The following KCNQ2 variants were observed in gnomAD, a reference collection of about 807,000 sequenced individuals.
The protein encoded by KCNQ2 is potassium voltage-gated channel subfamily KQT member 2.
Under a neutral mutation model 84.8 loss-of-function variants are expected in KCNQ2, and 14 were observed. That is an observed-to-expected ratio of 0.17 (90% CI 0.11 to 0.26). KCNQ2 has a LOEUF of 0.26. KCNQ2 is among the 10% of genes least tolerant of loss of function. The pLI, the probability that KCNQ2 is intolerant of heterozygous loss-of-function variation, is 1.00. For missense variants in KCNQ2, 788 were observed against 1,254.0 expected, an observed-to-expected ratio of 0.63 and a Z score of 5.61; for synonymous variants, 599 against 554.1, an observed-to-expected ratio of 1.08 and a Z score of -1.14.
At chr20:63,463,958 G>C (rs2082019436) in intron 1 of KCNQ2, 1 of 152,028 alleles carries the variant, frequency 6.6e-6, no homozygotes, top group Non-Finnish European at 1.5e-5. Flanking sequence ...ATGATTCAGG[G>C]ATGGGAGACT....
intron 1 of KCNQ2, among the ~76,000 whole-genome samples, chr20:63,468,996 G>A (rs1237671886): frequency 6.6e-6 from 1 of 152,248 alleles, no homozygotes; most frequent in South Asian, 2.1e-4. Flanking sequence ...ACTGAGGTCC[G>A]CACCCAGCGG....
At chr20:63,461,034 G>A (rs1238520287) in intron 1 of KCNQ2, 1 of 152,232 alleles carries the variant, frequency 6.6e-6, no homozygotes, top group Non-Finnish European at 1.5e-5. Context: ...ACGCACAGGC[G>A]GGCGCAGACA....
At chr20:63,453,503 C>G (rs1047257289) in intron 1 of KCNQ2, among the ~76,000 whole-genome samples, 3 of 152,222 alleles carry the variant, frequency 2.0e-5, no homozygotes, top group African/African-American at 7.2e-5. Context: ...GTCTGCCTAA[C>G]GGGGTTTTCT....
rs1224243124 is a variant in KCNQ2 at position 63,425,518 on chromosome 20, G to A, written c.1218-1312C>T. Among the ~76,000 whole-genome samples, 4 of 152,026 alleles carry A rather than the reference G, an allele frequency of 2.6e-5. No individual in the cohort carries two copies. The highest frequency in any genetic ancestry group is 5.9e-5 in the Non-Finnish European group (4 of 68,006). ...GTGGATCACCTGAGGTCAGGAGTTC[G>A]AGACCAGCCTGACCAACATGGTGAA... is the stretch of plus-strand genomic sequence containing the variant. On this transcript the variant is annotated intron_variant, in intron 10 of 16. Coordinates refer to ENST00000359125, the MANE Select transcript of KCNQ2 (RefSeq NM_172107.4). This position sits in a 1 kb window ranked among gnomAD's most constrained non-coding sequence, Gnocchi z 5.5.
chr20:63,430,791 C>T (rs896834286), intron 9 of KCNQ2, among the ~76,000 whole-genome samples: 12 of 152,210 alleles, frequency 7.9e-5, no homozygotes, highest in African/African-American at 2.7e-4. Context: ...GGCAGGAGAC[C>T]CTGAGGCAGA....
Position 63,442,653 on chromosome 20 carries a change from CCA to C in KCNQ2, c.691-124_691-123del. ...ACCATCACCACCACCAAAACCATCA[CCA>C]CCACCATCACCACCACCACCACCAC... On this transcript the variant is annotated intron_variant, in intron 4 of 16. Transcript: ENST00000359125. 3.4e-5 allele frequency: 13 copies of C among 380,090 alleles called. 1 individual carries two copies. The highest frequency in any genetic ancestry group is 5.9e-5 in the East Asian group (1 of 16,984). The allele number at this position is 380,090 out of a possible 1,614,324, so 23.5% of individuals were successfully genotyped here.
intron 1 of KCNQ2, among the ~76,000 whole-genome samples, chr20:63,470,173 G>T (rs1293107980): frequency 1.3e-5 from 2 of 152,208 alleles, no homozygotes; most frequent in African/African-American, 2.4e-5. Context: ...CCCTCCCAAA[G>T]GGGCCGCCTC....
At chr20:63,443,085 CATT>C (rs1212035403) in intron 4 of KCNQ2, among the ~76,000 whole-genome samples, 58 of 40,994 alleles carry the variant, frequency 1.4e-3, no homozygotes, top group African/African-American at 1.4e-3. Flanking sequence ...CCACCACCAC[CATT>C]ATCACCACCA....
chr20:63,432,536 C>T (rs2080846549), intron 8 of KCNQ2, among the ~76,000 whole-genome samples: 3 of 145,374 alleles, frequency 2.1e-5, no homozygotes, highest in Admixed American at 6.8e-5. Flanking sequence ...AAGGCTCCAC[C>T]CTCTGGGAAG....
chr20:63,462,549 C>T (rs902823068), intron 1 of KCNQ2, among the ~76,000 whole-genome samples: 8 of 152,232 alleles, frequency 5.3e-5, no homozygotes, highest in Admixed American at 3.3e-4. Context: ...CCAGCCTGGA[C>T]GGGTTTCCAC....
chr20:63,470,029 G>GTTGAGAAGCCCTGT (rs2082174576), intron 1 of KCNQ2, among the ~76,000 whole-genome samples: 1 of 152,264 alleles, frequency 6.6e-6, no homozygotes, highest in Non-Finnish European at 1.5e-5. Context: ...CAAAGCCCTG[G>GTTGAGAAGCCCTGT]GTTGAGAAGC....
chr20:63,418,167 G>T (rs1388155414), intron 12 of KCNQ2, among the ~76,000 whole-genome samples: 1 of 152,182 alleles, frequency 6.6e-6, no homozygotes, highest in Non-Finnish European at 1.5e-5. Flanking sequence ...TGGTCTCGCA[G>T]GCCCTCCCTC....
rs1398891590 is a variant in KCNQ2 at position 63,414,937 on chromosome 20, G to A, written c.1491C>T (p.Arg497=). Residue 497 remains arginine (R), a synonymous_variant, in exon 13 of 17, where the codon CGC becomes CGT. Coordinates refer to ENST00000359125, the MANE Select transcript of KCNQ2 (RefSeq NM_172107.4). This position sits in a 1 kb window ranked among gnomAD's most constrained non-coding sequence, Gnocchi z 6.6. ...TCTGCCGTGACGCGGCACCCTTGATGCGGAAAGCCTGGCGTGCCCGGCTGC... is the reference window on the plus strand; with the variant it reads ...TCTGCCGTGACGCGGCACCCTTGATACGGAAAGCCTGGCGTGCCCGGCTGC... ...GDRSRARQAF[R]IKGAASRQNS... is the part of the protein sequence containing the mutation. 11 of 1,612,820 alleles carry A rather than the reference G, an allele frequency of 6.8e-6. No individual in the cohort carries two copies. Among genetic ancestry groups the A allele is most frequent in the Non-Finnish European group, 8.5e-6 (10 of 1,179,962 alleles).
At position 63,414,779 on chromosome 20, in the gene KCNQ2, A is replaced by T; in HGVS notation, c.1525+124T>A. The stretch of plus-strand genomic sequence containing the variant: ...AAGTCTCACCTCAATTTTAGAAAGG[A>T]TAGGGGGTTCCCACTCCAAGAGCAA... On this transcript the variant is annotated intron_variant, in intron 13 of 16. Transcript: ENST00000359125. This position sits in a 1 kb window ranked among gnomAD's most constrained non-coding sequence, Gnocchi z 6.6. 3.3e-6 allele frequency: 3 copies of T among 896,536 alleles called. No homozygotes were observed. Among genetic ancestry groups the T allele is most frequent in the Non-Finnish European group, 5.5e-6 (3 of 540,828 alleles). The allele number at this position is 896,536 out of a possible 1,614,324, so 55.5% of individuals were successfully genotyped here.
chr20:63,410,097 C>A (rs2080075913), intron 15 of KCNQ2: 1 of 213,654 alleles, frequency 4.7e-6, no homozygotes, highest in Non-Finnish European at 9.4e-6. Context: ...TGGACTCATG[C>A]AATAGGGCCA....
intron 1 of KCNQ2, among the ~76,000 whole-genome samples, chr20:63,464,274 G>A (rs2082028317): frequency 6.6e-6 from 1 of 152,030 alleles, no homozygotes; most frequent in Non-Finnish European, 1.5e-5. Context: ...CCAGAGAGAA[G>A]CCTTCTCAGA....
chr20:63,447,600 T>C (rs1034924615), intron 1 of KCNQ2: 1 of 152,346 alleles, frequency 6.6e-6, no homozygotes, highest in African/African-American at 2.4e-5. Flanking sequence ...TTTTTGTTTG[T>C]TTTGTTTTGT....
chr20:63,414,895 A>C lies in KCNQ2; in HGVS notation c.1525+8T>G. 2 of 1,611,832 alleles carry C rather than the reference A, an allele frequency of 1.2e-6. No individual in the cohort carries two copies. The highest frequency in any genetic ancestry group is 1.7e-6 in the Non-Finnish European group (2 of 1,179,640). On this transcript the variant is annotated splice_region_variant and intron_variant, in intron 13 of 16. Coordinates refer to ENST00000359125, the MANE Select transcript of KCNQ2 (RefSeq NM_172107.4). This position sits in a 1 kb window ranked among gnomAD's most constrained non-coding sequence, Gnocchi z 6.6. Reference sequence around the variant, plus strand: ...GGATGGACCAGGAGAGGATGCGGCCACACCCACCTTCTGAGTTCTGCCGTG... The same window carrying C: ...GGATGGACCAGGAGAGGATGCGGCCCCACCCACCTTCTGAGTTCTGCCGTG...
chr20:63,439,604 C>A lies in KCNQ2; in HGVS notation c.921G>T (p.Leu307=), dbSNP rs539406802. 5.6e-6 allele frequency: 9 copies of A among 1,612,066 alleles called. No homozygotes were observed. Among genetic ancestry groups the A allele is most frequent in the Non-Finnish European group, 7.6e-6 (9 of 1,178,658 alleles). ...CAGGGGCAGCTGGACTTACTGCAGG[C>A]AGCGCGAAGAAGGAGACACCGATGA... ...FTLIGVSFFA[L]PAGILGSGFA... is the part of the protein sequence containing the mutation. Residue 307 remains leucine, a synonymous_variant, in exon 6 of 17, where the codon CTG becomes CTT. Coordinates refer to ENST00000359125, the MANE Select transcript of KCNQ2 (RefSeq NM_172107.4).
Sources: gnomAD v4.1 joint callset for allele counts (sites outside exome capture counted in the v4.1 genomes callset) on GRCh38, gnomAD v4.1.1 for gene constraint, Gnocchi (gnomAD v3.1) non-coding constraint, MANE v1.5 for transcripts, NCBI Gene and HGNC (gene_info 2026-07-23, HGNC 2026-07-21) for gene names.